The following TMEM156 variants were observed in gnomAD, a reference collection of about 807,000 sequenced individuals.
TMEM156 encodes the protein transmembrane protein 156.
Under a neutral mutation model 30.5 loss-of-function variants are expected in TMEM156, and 28 were observed. The observed-to-expected ratio is 0.92, with a 90% CI of 0.68 to 1.26. The LOEUF (loss-of-function observed/expected upper bound fraction) is 1.26, where lower values mean the gene tolerates loss of function less well. Among genes scored for constraint, TMEM156 ranks in the 50% most tolerant of loss-of-function variants. The pLI is 0.00. For synonymous variants in TMEM156, 137 were observed against 119.9 expected, an observed-to-expected ratio of 1.14 and a Z score of -0.93; for missense variants, 351 against 340.6, an observed-to-expected ratio of 1.03 and a Z score of -0.24.
chr4:39,020,991 T>A (rs1288501907), intron 1 of TMEM156, among the ~76,000 whole-genome samples: 1 of 152,232 alleles, frequency 6.6e-6, no homozygotes, highest in Non-Finnish European at 1.5e-5. Context: ...ATAATAGCCA[T>A]CTTGGGTGTG....
intron 5 of TMEM156, among the ~76,000 whole-genome samples, chr4:38,974,537 C>G (rs775169403): frequency 5.3e-5 from 8 of 152,104 alleles, no homozygotes; most frequent in Non-Finnish European, 8.8e-5. Flanking sequence ...CTTCCTGTTA[C>G]TTTTTGAAGG....
At chr4:38,979,319 C>G (rs749873627) in intron 5 of TMEM156, among the ~76,000 whole-genome samples, 26 of 152,332 alleles carry the variant, frequency 1.7e-4, no homozygotes, top group Middle Eastern at 3.4e-3. Flanking sequence ...ACGTTCCATT[C>G]AAAGTTTTGG....
At chr4:38,975,657 A>G (rs1722816165) in intron 5 of TMEM156, among the ~76,000 whole-genome samples, 1 of 152,028 alleles carries the variant, frequency 6.6e-6, no homozygotes, top group Non-Finnish European at 1.5e-5. Flanking sequence ...GATTACAGGC[A>G]TGAGCCACTG....
chr4:38,972,122 G>T (rs1436807954), intron 5 of TMEM156, among the ~76,000 whole-genome samples: 1 of 151,782 alleles, frequency 6.6e-6, no homozygotes, highest in Non-Finnish European at 1.5e-5. Flanking sequence ...AAGTTTGGGT[G>T]GTTGCTACTT....
chr4:38,992,757 T>TA (rs1293169424), intron 3 of TMEM156, among the ~76,000 whole-genome samples: 1 of 65,504 alleles, frequency 1.5e-5, no homozygotes, highest in Non-Finnish European at 3.0e-5. Context: ...ATTATATATA[T>TA]ATATATTTTT....
At chr4:38,974,455 G>A (rs1245261172) in intron 5 of TMEM156, among the ~76,000 whole-genome samples, 1 of 151,864 alleles carries the variant, frequency 6.6e-6, no homozygotes, top group Admixed American at 6.6e-5. Flanking sequence ...AATATCTTTG[G>A]TCTTGCAACA....
At chr4:38,972,688 C>T (rs1457505677) in intron 5 of TMEM156, among the ~76,000 whole-genome samples, 1 of 151,982 alleles carries the variant, frequency 6.6e-6, no homozygotes, top group South Asian at 2.1e-4. Context: ...TCTGAATGAG[C>T]CTGAGCAACC....
chr4:38,982,707 C>A (rs1711674823), intron 5 of TMEM156, among the ~76,000 whole-genome samples: 1 of 152,180 alleles, frequency 6.6e-6, no homozygotes, highest in South Asian at 2.1e-4. Context: ...TATCATTTAA[C>A]TATCCTATTA....
intron 3 of TMEM156, among the ~76,000 whole-genome samples, chr4:38,992,604 C>T (rs1712542989): frequency 6.8e-6 from 1 of 146,698 alleles, no homozygotes; most frequent in African/African-American, 2.5e-5. Flanking sequence ...TTCTCAGCTC[C>T]AAGAGAGAAC....
intron 1 of TMEM156, among the ~76,000 whole-genome samples, chr4:39,002,844 T>C (rs1467849504): frequency 7.3e-6 from 1 of 136,560 alleles, no homozygotes; most frequent in East Asian, 2.1e-4. Context: ...TGAGAACACA[T>C]GGACACAGGA....
intron 1 of TMEM156, among the ~76,000 whole-genome samples, chr4:39,019,424 C>A (rs939019923): frequency 2.6e-5 from 4 of 152,012 alleles, no homozygotes; most frequent in Non-Finnish European, 5.9e-5. Context: ...TGCCTGGTAA[C>A]TTTTAATAGT....
intron 1 of TMEM156, among the ~76,000 whole-genome samples, chr4:39,011,206 A>C (rs774359370): frequency 1.3e-5 from 2 of 152,258 alleles, no homozygotes; most frequent in Non-Finnish European, 2.9e-5. Context: ...CCACAATGTG[A>C]TACCATTTCA....
chr4:38,968,349 C>T (rs534341951), intron 6 of TMEM156, among the ~76,000 whole-genome samples: 1 of 152,296 alleles, frequency 6.6e-6, no homozygotes, highest in African/African-American at 2.4e-5. Flanking sequence ...CGCTAGGCAT[C>T]ATGTCCTCTG....
chr4:38,991,413 G>GT (rs774964851), intron 3 of TMEM156, among the ~76,000 whole-genome samples: 34 of 151,256 alleles, frequency 2.2e-4, no homozygotes, highest in African/African-American at 7.3e-4. Flanking sequence ...TAGAGTCAGG[G>GT]TTTCACCATG....
intron 5 of TMEM156, among the ~76,000 whole-genome samples, chr4:38,976,464 G>A (rs953975602): frequency 2.6e-4 from 39 of 152,180 alleles, no homozygotes; most frequent in African/African-American, 8.9e-4. Flanking sequence ...CCCATAACCC[G>A]AGTGAGCGTA....
rs764759002 is a variant in TMEM156, at chr4:38,969,695, T to A, written c.*38+1337A>T. On this transcript the variant is annotated intron_variant, in intron 6 of 6. Transcript: ENST00000381938. ...GCAGCCTCAACTTCCCAGGCTCAAGTGATCTTCCTGCCTCAGCCTCCCCAG... is the reference window on the plus strand; with the variant it reads ...GCAGCCTCAACTTCCCAGGCTCAAGAGATCTTCCTGCCTCAGCCTCCCCAG... 7.0e-4 allele frequency among the ~76,000 whole-genome samples: 107 copies of A among 152,158 alleles called. 2 individuals carry two copies. Among genetic ancestry groups the A allele is most frequent in the Non-Finnish European group, 1.6e-4 (11 of 68,016 alleles).
intron 5 of TMEM156, among the ~76,000 whole-genome samples, chr4:38,981,742 A>G (rs887842532): frequency 3.9e-5 from 6 of 152,238 alleles, no homozygotes; most frequent in Non-Finnish European, 5.9e-5. Flanking sequence ...ATGAAAGTAC[A>G]GAACATACGG....
At chr4:39,001,050 TAAGG>T (rs1713306866) in intron 1 of TMEM156, among the ~76,000 whole-genome samples, 1 of 151,946 alleles carries the variant, frequency 6.6e-6, no homozygotes, top group African/African-American at 2.4e-5. Flanking sequence ...AATGATCAAC[TAAGG>T]AATAGGCAAC....
intron 5 of TMEM156, among the ~76,000 whole-genome samples, chr4:38,985,413 A>G (rs1292508810): frequency 1.3e-5 from 2 of 152,146 alleles, no homozygotes. Context: ...CACTCAAGCT[A>G]GGGTTCCGTG....
Sources: allele counts gnomAD v4.1 joint callset (sites outside exome capture counted in the v4.1 genomes callset), GRCh38; gene constraint gnomAD v4.1.1; transcripts MANE v1.5; gene names NCBI Gene and HGNC (gene_info 2026-07-23, HGNC 2026-07-21).